The following GRID2IP variants were observed in gnomAD, a reference collection of about 807,000 sequenced individuals.
GRID2IP encodes delphilin.
GRID2IP carries 78 observed loss-of-function variants against 114.3 expected under a neutral mutation model. The observed-to-expected ratio is 0.68, with a 90% confidence interval of 0.57 to 0.82. The LOEUF (loss-of-function observed/expected upper bound fraction) is 0.82, where lower values mean the gene tolerates loss of function less well. Among genes scored for constraint, GRID2IP ranks in the 40% least tolerant of loss-of-function variants. The pLI is 0.00. For missense variants in GRID2IP, 1,727 were observed against 1,678.5 expected, an observed-to-expected ratio of 1.03 and a Z score of -0.51; for synonymous variants, 809 against 724.0, an observed-to-expected ratio of 1.12 and a Z score of -1.89.
chr7:6,497,189 G>A lies in GRID2IP; in HGVS notation c.*585C>T, dbSNP rs778979317. Among the ~76,000 whole-genome samples, 1 of 152,174 alleles carries A rather than the reference G, an allele frequency of 6.6e-6. No homozygotes were observed. Among genetic ancestry groups the A allele is most frequent in the Non-Finnish European group, 1.5e-5 (1 of 68,040 alleles). ...GTCCACTGCATGAAACCTCAATTCC[G>A]CAGTCTGACATAGGGGGTCTTCCTT... On this transcript the variant is annotated 3_prime_UTR_variant, in exon 22 of 22. Transcript: ENST00000457091.
At position 6,532,351 on chromosome 7, in the gene GRID2IP, C is replaced by T. The variant is rs750232471; in HGVS notation, c.585-5582G>A. Among the ~76,000 whole-genome samples the T allele has an allele frequency of 6.6e-6, 1 of 152,118 alleles. No individual in the cohort carries two copies. Among genetic ancestry groups the T allele is most frequent in the Non-Finnish European group, 1.5e-5 (1 of 68,022 alleles). ...CAGGAGAGGCAAGATGCCCCGGGGA[C>T]TTTCCCTCTGTCTCACTCAGAGGGA... is the stretch of plus-strand genomic sequence containing the variant. On this transcript the variant is annotated intron_variant, in intron 2 of 21. Coordinates refer to ENST00000457091, the MANE Select transcript of GRID2IP (RefSeq NM_001145118.2). The surrounding 1 kb of genome is among the most constrained non-coding windows in gnomAD (Gnocchi z 4.4).
chr7:6,505,832 G>T lies in GRID2IP; in HGVS notation c.2620C>A (p.Gln874Lys). 1 of 1,551,234 alleles carries T rather than the reference G, an allele frequency of 6.4e-7. No individual in the cohort carries two copies. Among genetic ancestry groups the T allele is most frequent in the East Asian group, 2.4e-5 (1 of 40,904 alleles). ...YLDLELHFGT[Q>K]KPAKPVPGPE... Reference sequence around the variant, plus strand: ...TCAGGCCACTCACTAGCAGGTTTCTGGGTGCCGAAGTGGAGCTCCAGGTCG... The same window carrying T: ...TCAGGCCACTCACTAGCAGGTTTCTTGGTGCCGAAGTGGAGCTCCAGGTCG... The change falls in exon 14 of 22, where the codon CAG becomes AAG. Residue 874 changes from glutamine (Q) to lysine (K), a missense_variant. Gln to Lys is a moderately conservative substitution (Grantham distance 53). Transcript: ENST00000457091.
At position 6,544,722 on chromosome 7, in the gene GRID2IP, G is replaced by A. The variant is rs536425703; in HGVS notation, c.430-4850C>T. Reference sequence around the variant, plus strand: ...TCCCAGAGCTTTGGGAGGACAAGGCGGGAGGATCACTTGAGGCCAGGAGTT... The same window carrying A: ...TCCCAGAGCTTTGGGAGGACAAGGCAGGAGGATCACTTGAGGCCAGGAGTT... On this transcript the variant is annotated intron_variant, in intron 1 of 21. Coordinates refer to ENST00000457091, the MANE Select transcript of GRID2IP (RefSeq NM_001145118.2). Among the ~76,000 whole-genome samples, 558 of 152,240 alleles carry A rather than the reference G, an allele frequency of 3.7e-3. 1 individual carries two copies. Among genetic ancestry groups the A allele is most frequent in the Non-Finnish European group, 6.3e-3 (430 of 68,028 alleles).
chr7:6,507,228 G>A lies in GRID2IP; in HGVS notation c.2544+757C>T, dbSNP rs112219350. ...GAAGGAGCCCCTGCCATATTAAAAG[G>A]AGTATGATGTCCCAGTCAAAGGAGC... On this transcript the variant is annotated intron_variant, in intron 13 of 21. Transcript: ENST00000457091. The surrounding 1 kb of genome is among the most constrained non-coding windows in gnomAD (Gnocchi z 5.3). Among the ~76,000 whole-genome samples the A allele has an allele frequency of 1.7e-3, 265 of 152,334 alleles. No homozygotes were observed. Among genetic ancestry groups the A allele is most frequent in the Middle Eastern group, 3.4e-3 (1 of 294 alleles).
chr7:6,514,525 T>A lies in GRID2IP; in HGVS notation c.1273A>T (p.Ile425Phe). The A allele has an allele frequency of 6.6e-7, 1 of 1,520,178 alleles. No homozygotes were observed. Among genetic ancestry groups the A allele is most frequent in the East Asian group, 2.5e-5 (1 of 40,296 alleles). 94.2% of individuals were successfully genotyped at this position (1,520,178 alleles called of 1,614,324 possible). ...TAGACGTCAACGATGAGGGTGTCGA[T>A]GTTCCTGGGGGAAGGTGCAGGAATG... The part of the protein sequence containing the change: ...ALESFFQHRN[I>F]DTLIVDVYPV... The change falls in exon 8 of 22, where the codon ATC becomes TTC. Residue 425 changes from isoleucine to phenylalanine, a missense_variant. Coordinates refer to ENST00000457091, the MANE Select transcript of GRID2IP (RefSeq NM_001145118.2).
chr7:6,504,698 C>G, intron 15 of GRID2IP, 95 bp downstream of exon 15: 1 of 953,036 alleles, frequency 1.0e-6, no homozygotes, highest in Non-Finnish European at 1.6e-6. Flanking sequence ...GGGTCCCCAC[C>G]GCCTAATCTC....
intron 2 of GRID2IP, among the ~76,000 whole-genome samples, chr7:6,533,968 G>A (rs1193555175): frequency 6.6e-6 from 1 of 152,022 alleles, no homozygotes. Flanking sequence ...TCTATATTAT[G>A]GTGTTCATGA....
chr7:6,537,224 C>G, intron 2 of GRID2IP, among the ~76,000 whole-genome samples: 1 of 151,972 alleles, frequency 6.6e-6, no homozygotes. Flanking sequence ...TGAGGACCCA[C>G]CAGTATTTTT....
Position 6,509,732 on chromosome 7 carries a change from C to T in GRID2IP, c.1772-419G>A, listed in dbSNP as rs766252972. 6.6e-6 allele frequency among the ~76,000 whole-genome samples: 1 copy of T among 152,224 alleles called. No homozygotes were observed. Among genetic ancestry groups the T allele is most frequent in the Non-Finnish European group, 1.5e-5 (1 of 68,038 alleles). ...CTGAGCTGCAGAGCAACTGTCTTCC[C>T]AGCTGTGCCAACGCTGGTACAACGC... On this transcript the variant is annotated intron_variant, in intron 11 of 21. Transcript: ENST00000457091. The surrounding 1 kb of genome is among the most constrained non-coding windows in gnomAD (Gnocchi z 4.9).
intron 1 of GRID2IP, among the ~76,000 whole-genome samples, chr7:6,542,306 C>CAA (rs56154707): frequency 0.025 from 2,391 of 94,698 alleles, 71 homozygotes; most frequent in African/African-American, 0.065. Flanking sequence ...AACTCCATCT[C>CAA]AAAAAAAAAA....
intron 8 of GRID2IP, among the ~76,000 whole-genome samples, chr7:6,513,039 G>A (rs186265275): frequency 6.6e-6 from 1 of 152,254 alleles, no homozygotes; most frequent in East Asian, 1.9e-4. Flanking sequence ...TGACCTGCAT[G>A]CTGAGTGCAG....
chr7:6,522,523 C>T (rs1031459854), intron 4 of GRID2IP, among the ~76,000 whole-genome samples: 1 of 151,694 alleles, frequency 6.6e-6, no homozygotes, highest in African/African-American at 2.4e-5. Context: ...ATTTTAGAGA[C>T]AGGGTCTTGC....
chr7:6,498,316 C>T, intron 20 of GRID2IP, 88 bp from the exon 21 acceptor site: 2 of 1,322,166 alleles, frequency 1.5e-6, no homozygotes, highest in Non-Finnish European at 2.0e-6. Flanking sequence ...CCTAGCAGCC[C>T]TATTCCCGGT....
intron 2 of GRID2IP, among the ~76,000 whole-genome samples, chr7:6,537,726 G>A (rs1051569190): frequency 5.9e-5 from 9 of 151,694 alleles, no homozygotes; most frequent in South Asian, 2.1e-4. Flanking sequence ...GCGTGGCATC[G>A]TGGCACCCAG....
At position 6,506,946 on chromosome 7, in the gene GRID2IP, G is replaced by A. The variant is rs1786609288; in HGVS notation, c.2544+1039C>T. Among the ~76,000 whole-genome samples, 1 of 152,126 alleles carries A rather than the reference G, an allele frequency of 6.6e-6. No homozygotes were observed. Among genetic ancestry groups the A allele is most frequent in the Non-Finnish European group, 1.5e-5 (1 of 68,032 alleles). ...AGTCCTCCCGCCTCAGCCTCCCAAA[G>A]TGCTGGGATTACAGGCGTGAACCAC... On this transcript the variant is annotated intron_variant, in intron 13 of 21. Coordinates refer to ENST00000457091, the MANE Select transcript of GRID2IP (RefSeq NM_001145118.2). The surrounding 1 kb of genome is among the most constrained non-coding windows in gnomAD (Gnocchi z 5.2).
At chr7:6,529,980 A>C (rs1779587403) in intron 2 of GRID2IP, among the ~76,000 whole-genome samples, 1 of 137,452 alleles carries the variant, frequency 7.3e-6, no homozygotes, top group Non-Finnish European at 1.6e-5. Flanking sequence ...TTTTTTTAAG[A>C]CAAAGTCTCG....
rs1319378658 is a variant in GRID2IP, at chr7:6,526,575, G to T, written c.779C>A (p.Pro260Gln). The change falls in exon 3 of 22, where the codon CCG (proline) becomes CAG (glutamine). Residue 260 changes from proline (P) to glutamine (Q), a missense_variant. Physicochemically the swap from Pro to Gln is moderately conservative, Grantham distance 76. Coordinates refer to ENST00000457091, the MANE Select transcript of GRID2IP (RefSeq NM_001145118.2). The surrounding 1 kb of genome is among the most constrained non-coding windows in gnomAD (Gnocchi z 7.6). ...APPRRPDEPP[P>Q]RRASLLVGGL... Reference sequence around the variant, plus strand: ...GCCCACCAGCAAGGAGGCCCTGCGCGGGGGCGGCTCATCGGGGCGGCGCGG... The same window carrying T: ...GCCCACCAGCAAGGAGGCCCTGCGCTGGGGCGGCTCATCGGGGCGGCGCGG... 3 of 1,202,340 alleles carry T rather than the reference G, an allele frequency of 2.5e-6. No individual in the cohort carries two copies. Among genetic ancestry groups the T allele is most frequent in the Non-Finnish European group, 3.1e-6 (3 of 969,952 alleles). 74.5% of individuals were successfully genotyped at this position (1,202,340 alleles called of 1,614,324 possible). A position where few individuals can be genotyped will look rare whatever the true frequency, so the allele number is the denominator to read the frequency against.
In GRID2IP at chr7:6,509,104, G is replaced by A. The variant is rs1165682375; in HGVS notation, c.1981C>T (p.Pro661Ser). The A allele has an allele frequency of 1.4e-6, 2 of 1,481,018 alleles. No homozygotes were observed. The highest frequency in any genetic ancestry group is 5.1e-5 in the East Asian group (2 of 39,490). 91.7% of individuals were successfully genotyped at this position (1,481,018 alleles called of 1,614,324 possible). Residue 661 changes from proline to serine, a missense_variant, in exon 12 of 22, where the codon CCG becomes TCG. Transcript: ENST00000457091. This position sits in a 1 kb window ranked among gnomAD's most constrained non-coding sequence, Gnocchi z 4.9. The part of the protein sequence containing the change: ...DSPPSPDPTR[P>S]PSRRKLFTFS... ...GTGAAGAGCTTCCTGCGGCTGGGCGGGCGGGTGGGGTCCGGGCTTGGGGGG... is the reference window on the plus strand; with the variant it reads ...GTGAAGAGCTTCCTGCGGCTGGGCGAGCGGGTGGGGTCCGGGCTTGGGGGG...
chr7:6,504,849 G>A lies in GRID2IP; in HGVS notation c.2654C>T (p.Pro885Leu). ...CTCCACCACCTCCTTCTTCCGGAAG[G>A]GCTCCGGCCCCGGCACCGGTTCTGG... ...KPAKPVPGPE[P>L]FRKKEVVEIL... The change falls in exon 15 of 22, where the codon CCC (proline) becomes CTC (leucine). Residue 885 changes from proline (P) to leucine (L), a missense_variant. Pro to Leu is a moderately conservative substitution (Grantham distance 98, BLOSUM62 -3). Coordinates refer to ENST00000457091, the MANE Select transcript of GRID2IP (RefSeq NM_001145118.2). 6.4e-7 allele frequency: 1 copy of A among 1,551,378 alleles called. No individual in the cohort carries two copies. The highest frequency in any genetic ancestry group is 8.7e-7 in the Non-Finnish European group (1 of 1,146,836).
Sources: allele counts gnomAD v4.1 joint callset (sites outside exome capture counted in the v4.1 genomes callset), GRCh38; gene constraint gnomAD v4.1.1; non-coding constraint Gnocchi (gnomAD v3.1); transcripts MANE v1.5; gene names NCBI Gene and HGNC (gene_info 2026-07-23, HGNC 2026-07-21).